The following ATP8A2 variants were observed in gnomAD, a reference collection of about 807,000 sequenced individuals.
ATP8A2 encodes the protein ATPase phospholipid transporting 8A2, also known as phospholipid-transporting ATPase IB.
ATP8A2 carries 100 observed loss-of-function variants against 165.6 expected under a neutral mutation model. The ratio of observed to expected loss-of-function variants is 0.60; its 90% CI spans 0.51 to 0.71. The LOEUF is 0.71. Among genes scored for constraint, ATP8A2 ranks in the 30% least tolerant of loss-of-function variants. The pLI is 0.00. For missense variants in ATP8A2, 1,227 were observed against 1,479.5 expected (o/e 0.83, Z 2.80); for synonymous variants, 543 against 548.8 (o/e 0.99, Z 0.15).
chr13:25,619,824 A>C (rs548159417), intron 24 of ATP8A2, among the ~76,000 whole-genome samples: 4 of 152,238 alleles, frequency 2.6e-5, no homozygotes, highest in Non-Finnish European at 5.9e-5. Context: ...TCTATTGCAT[A>C]GCCTTTCCTA....
intron 1 of ATP8A2, among the ~76,000 whole-genome samples, chr13:25,375,601 T>C (rs1478923574): frequency 6.6e-6 from 1 of 152,008 alleles, no homozygotes; most frequent in Non-Finnish European, 1.5e-5. Context: ...TTTTTTTTAT[T>C]TTGAGCCTGT....
At chr13:25,988,491 T>G (rs1051954255) in intron 35 of ATP8A2, among the ~76,000 whole-genome samples, 1 of 152,194 alleles carries the variant, frequency 6.6e-6, no homozygotes, top group South Asian at 2.1e-4. Context: ...TGCACACACA[T>G]TACTTTTTTT....
chr13:25,389,633 C>T (rs756463427), intron 1 of ATP8A2, among the ~76,000 whole-genome samples: 4 of 152,158 alleles, frequency 2.6e-5, no homozygotes, highest in Non-Finnish European at 4.4e-5. Flanking sequence ...AGAAGTACAC[C>T]GAGTAGCTTC....
intron 30 of ATP8A2, among the ~76,000 whole-genome samples, chr13:25,845,914 G>A (rs1478468941): frequency 6.6e-6 from 1 of 152,220 alleles, no homozygotes; most frequent in Non-Finnish European, 1.5e-5. Context: ...GGTGGCTCAT[G>A]CCTGTAATCC....
chr13:25,838,124 A>G (rs981332089), intron 29 of ATP8A2, among the ~76,000 whole-genome samples: 3 of 151,980 alleles, frequency 2.0e-5, no homozygotes, highest in Non-Finnish European at 2.9e-5. Context: ...TGCACAGTTC[A>G]CCTCCTGTGC....
chr13:25,838,162 G>A (rs1037064678), intron 29 of ATP8A2, among the ~76,000 whole-genome samples: 2 of 152,302 alleles, frequency 1.3e-5, no homozygotes, highest in South Asian at 2.1e-4. Flanking sequence ...CATGATTTGC[G>A]TGCATGGTTC....
chr13:25,938,875 C>G (rs979020866), intron 33 of ATP8A2, among the ~76,000 whole-genome samples: 8 of 150,702 alleles, frequency 5.3e-5, no homozygotes, highest in Non-Finnish European at 1.2e-4. Flanking sequence ...TGAAGTCTCA[C>G]TCTATCCCCC....
intron 27 of ATP8A2, among the ~76,000 whole-genome samples, chr13:25,788,472 G>A (rs557749632): frequency 6.6e-6 from 1 of 152,170 alleles, no homozygotes; most frequent in African/African-American, 2.4e-5. Flanking sequence ...CACTGAGGCC[G>A]AGAGGGGTTA....
chr13:25,633,313 C>T (rs61947490), intron 24 of ATP8A2, among the ~76,000 whole-genome samples: 1 of 152,118 alleles, frequency 6.6e-6, no homozygotes, highest in Non-Finnish European at 1.5e-5. Context: ...CAGTGCTCGG[C>T]AGTCTGCTTT....
intron 1 of ATP8A2, among the ~76,000 whole-genome samples, chr13:25,399,978 G>GAGTC: frequency 6.8e-6 from 1 of 147,772 alleles, no homozygotes; most frequent in South Asian, 2.2e-4. Flanking sequence ...TTCCTTTTTT[G>GAGTC]AGGAAGCCAT....
In ATP8A2 at chr13:25,636,007, C is replaced by T. The variant is rs141434049; in HGVS notation, c.2211+46308C>T. 3.9e-3 allele frequency among the ~76,000 whole-genome samples: 593 copies of T among 151,748 alleles called. 5 individuals are homozygous for T. The highest frequency in any genetic ancestry group is 0.014 in the African/African-American group (562 of 41,348). On this transcript the variant is annotated intron_variant, in intron 24 of 36. Coordinates refer to ENST00000381655, the MANE Select transcript of ATP8A2 (RefSeq NM_016529.6). ...CAGATTTGCATGCCTGGAGGATGGA[C>T]GAGGAAAGATGGATGAGTATGGGGG... is the stretch of plus-strand genomic sequence containing the variant.
intron 33 of ATP8A2, among the ~76,000 whole-genome samples, chr13:25,917,127 C>T (rs1954292113): frequency 1.3e-5 from 2 of 152,344 alleles, no homozygotes; most frequent in South Asian, 2.1e-4. Context: ...GTAGTAACCT[C>T]TCTTCATGTC....
chr13:25,860,208 A>C lies in ATP8A2; in HGVS notation c.2970A>C (p.Thr990=). ...MKALEHDTVL[T]SGHATDYLFV... ...TTTGTTTTTCAGATACTGTGTTGAC[A>C]AGTGGTCATGCTACCGACTATTTAT... Residue 990 remains threonine (T), a synonymous_variant, in exon 31 of 37, where the codon ACA becomes ACC. Transcript: ENST00000381655. The C allele has an allele frequency of 6.2e-7, 1 of 1,611,938 alleles. No homozygotes were observed. Among genetic ancestry groups the C allele is most frequent in the Non-Finnish European group, 8.5e-7 (1 of 1,178,294 alleles).
chr13:25,813,454 A>T (rs1235124317), intron 27 of ATP8A2, among the ~76,000 whole-genome samples: 3 of 133,760 alleles, frequency 2.2e-5, no homozygotes, highest in Non-Finnish European at 4.7e-5. Flanking sequence ...TGATATGATG[A>T]TGTGATATAA....
intron 1 of ATP8A2, among the ~76,000 whole-genome samples, chr13:25,411,017 A>C (rs746850218): frequency 6.6e-4 from 100 of 152,336 alleles, no homozygotes; most frequent in South Asian, 1.9e-3. Flanking sequence ...ACTGTACTCC[A>C]GGAGTTCTGG....
chr13:25,727,745 C>T (rs947231918), intron 25 of ATP8A2, among the ~76,000 whole-genome samples: 1 of 152,166 alleles, frequency 6.6e-6, no homozygotes, highest in African/African-American at 2.4e-5. Flanking sequence ...GCCAGATATG[C>T]TTAAATCCTT....
At chr13:25,755,074 G>A (rs1278052637) in intron 25 of ATP8A2, among the ~76,000 whole-genome samples, 1 of 152,188 alleles carries the variant, frequency 6.6e-6, no homozygotes, top group Non-Finnish European at 1.5e-5. Flanking sequence ...GAATCACTTT[G>A]CTGTTTGACG....
rs527295763 is a variant in ATP8A2, at chr13:25,426,758, T to A, written c.77-42219T>A. Among the ~76,000 whole-genome samples, 13 of 151,866 alleles carry A rather than the reference T, an allele frequency of 8.6e-5. No individual in the cohort carries two copies. In the South Asian group the frequency reaches 2.1e-3, roughly 24 times the overall value. Reference sequence around the variant, plus strand: ...AGGAGTTTGAGACCAGCCTGGCCAATATGGTGAAGCCCTGTCTCTACCAAA... The same window carrying A: ...AGGAGTTTGAGACCAGCCTGGCCAAAATGGTGAAGCCCTGTCTCTACCAAA... On this transcript the variant is annotated intron_variant, in intron 1 of 36. Transcript: ENST00000381655.
At chr13:25,884,486 C>T (rs1281214187) in intron 33 of ATP8A2, among the ~76,000 whole-genome samples, 1 of 152,206 alleles carries the variant, frequency 6.6e-6, no homozygotes. Flanking sequence ...TTAGCAGGCT[C>T]TTAGAAGGCA....
Sources: allele counts gnomAD v4.1 joint callset (sites outside exome capture counted in the v4.1 genomes callset), GRCh38; gene constraint gnomAD v4.1.1; transcripts MANE v1.5; gene names NCBI Gene and HGNC (gene_info 2026-07-23, HGNC 2026-07-21).